RHOA: variants seen among roughly 807,000 people sequenced by gnomAD.
RHOA encodes the protein transforming protein RhoA.
RHOA carries 3 observed loss-of-function variants against 17.5 expected under a neutral mutation model. The observed-to-expected ratio is 0.17, with a 90% CI of 0.08 to 0.44. The LOEUF (loss-of-function observed/expected upper bound fraction) is 0.44, where lower values mean the gene tolerates loss of function less well. RHOA is among the 20% of genes least tolerant of loss of function. The probability of loss-of-function intolerance (pLI) is 0.99; values close to 1 mark genes in which losing one functional copy is unlikely to be tolerated. For missense variants in RHOA, 56 were observed against 242.3 expected (o/e 0.23, Z 5.10); for synonymous variants, 98 against 88.4 (o/e 1.11, Z -0.61).
intron 4 of RHOA, among the ~76,000 whole-genome samples, chr3:49,362,131 G>A (rs915561801): frequency 2.0e-5 from 3 of 150,448 alleles, no homozygotes; most frequent in Non-Finnish European, 4.4e-5. Context: ...AGGTTGCAGT[G>A]AGCTGAGATT....
chr3:49,363,344 C>A (rs1356286829), intron 3 of RHOA, among the ~76,000 whole-genome samples: 1 of 151,922 alleles, frequency 6.6e-6, no homozygotes, highest in Non-Finnish European at 1.5e-5. Context: ...GGTGTGAACC[C>A]GGGAGGCAGA....
rs1006517702 is a variant in RHOA, at chr3:49,360,022, G to C, written c.*187C>G. ...GTTAGAGCAGTGTCAAAAGGACCCT[G>C]GTGGGCCAGACGGGTTGGACATCGT... is the stretch of plus-strand genomic sequence containing the variant. On this transcript the variant is annotated 3_prime_UTR_variant, in exon 5 of 5. Transcript: ENST00000418115. 53 of 613,284 alleles carry C rather than the reference G, an allele frequency of 8.6e-5. No individual in the cohort carries two copies. In the East Asian group the frequency reaches 1.3e-3, roughly 15 times the overall value. 38.0% of individuals were successfully genotyped at this position (613,284 alleles called of 1,614,324 possible). A position where few individuals can be genotyped will look rare whatever the true frequency, so the allele number is the denominator to read the frequency against.
chr3:49,405,687 CT>C (rs938758548), intron 1 of RHOA, among the ~76,000 whole-genome samples: 1 of 151,918 alleles, frequency 6.6e-6, no homozygotes, highest in Non-Finnish European at 1.5e-5. Context: ...TTCTTTCCTT[CT>C]TTTTTTTGTG....
intron 1 of RHOA, among the ~76,000 whole-genome samples, chr3:49,387,564 A>C (rs2048420770): frequency 6.6e-6 from 1 of 151,324 alleles, no homozygotes; most frequent in Non-Finnish European, 1.5e-5. Flanking sequence ...TAACACGGTG[A>C]AACCCCGTCT....
chr3:49,379,026 T>A (rs2048276249), intron 1 of RHOA, among the ~76,000 whole-genome samples: 1 of 152,184 alleles, frequency 6.6e-6, no homozygotes, highest in South Asian at 2.1e-4. Context: ...ATTCTATTCC[T>A]AGGTATATAT....
chr3:49,409,098 T>C (rs1254528519), intron 1 of RHOA, among the ~76,000 whole-genome samples: 2 of 150,346 alleles, frequency 1.3e-5, no homozygotes, highest in Admixed American at 6.6e-5. Context: ...AGGATCCTTT[T>C]AAAACTACAA....
At chr3:49,410,563 A>C (rs2048915470) in intron 1 of RHOA, among the ~76,000 whole-genome samples, 1 of 152,240 alleles carries the variant, frequency 6.6e-6, no homozygotes, top group African/African-American at 2.4e-5. Flanking sequence ...TCAATAAGTC[A>C]TTCTTTACAA....
intron 3 of RHOA, among the ~76,000 whole-genome samples, chr3:49,367,962 T>C (rs2048086427): frequency 6.6e-6 from 1 of 152,080 alleles, no homozygotes; most frequent in Non-Finnish European, 1.5e-5. Flanking sequence ...CAGTCTGGAA[T>C]GCAGTGCCAT....
At chr3:49,384,531 CAG>C (rs1231946307) in intron 1 of RHOA, among the ~76,000 whole-genome samples, 3 of 150,558 alleles carry the variant, frequency 2.0e-5, no homozygotes, top group South Asian at 2.1e-4. Flanking sequence ...TTTTTTGAGA[CAG>C]GGTCTCACTG....
chr3:49,377,068 T>TC (rs1262634060), intron 1 of RHOA, among the ~76,000 whole-genome samples: 9 of 152,024 alleles, frequency 5.9e-5, no homozygotes. Flanking sequence ...GCAGAGGTTG[T>TC]GGTGAGCCGA....
At chr3:49,393,458 C>T (rs2048545280) in intron 1 of RHOA, among the ~76,000 whole-genome samples, 1 of 151,836 alleles carries the variant, frequency 6.6e-6, no homozygotes, top group African/African-American at 2.4e-5. Flanking sequence ...AGGCACACAC[C>T]ACCACGTTTG....
intron 1 of RHOA, among the ~76,000 whole-genome samples, chr3:49,383,688 C>T (rs1422142679): frequency 6.6e-6 from 1 of 152,108 alleles, no homozygotes; most frequent in African/African-American, 2.4e-5. Flanking sequence ...CCTAGAATGT[C>T]CAGACTCTGT....
At chr3:49,366,069 GA>G (rs2048050158) in intron 3 of RHOA, among the ~76,000 whole-genome samples, 1 of 152,068 alleles carries the variant, frequency 6.6e-6, no homozygotes, top group East Asian at 1.9e-4. Context: ...AGAAAAAAGT[GA>G]GACTGAAGAG....
At chr3:49,389,240 G>A (rs1339502927) in intron 1 of RHOA, among the ~76,000 whole-genome samples, 4 of 151,986 alleles carry the variant, frequency 2.6e-5, no homozygotes, top group African/African-American at 9.7e-5. Context: ...CCAGCTACTC[G>A]GGGGGCTGAG....
intron 1 of RHOA, among the ~76,000 whole-genome samples, chr3:49,400,209 C>T (rs1280149674): frequency 5.2e-5 from 3 of 57,784 alleles, no homozygotes; most frequent in Non-Finnish European, 1.0e-4. Context: ...GAGACTCCAT[C>T]TCAAAAAAAA....
chr3:49,376,543 T>C (rs945580131), intron 1 of RHOA, among the ~76,000 whole-genome samples: 4 of 146,306 alleles, frequency 2.7e-5, no homozygotes, highest in Non-Finnish European at 5.9e-5. Flanking sequence ...CTTGGGAGGC[T>C]GAGGCAGGAG....
chr3:49,402,207 G>T (rs2048733986), intron 1 of RHOA, among the ~76,000 whole-genome samples: 1 of 152,050 alleles, frequency 6.6e-6, no homozygotes, highest in Non-Finnish European at 1.5e-5. Context: ...TGGATGCACA[G>T]AATCAGGATT....
At chr3:49,409,308 T>C (rs1421140872) in intron 1 of RHOA, among the ~76,000 whole-genome samples, 1 of 151,912 alleles carries the variant, frequency 6.6e-6, no homozygotes, top group Non-Finnish European at 1.5e-5. Flanking sequence ...GGCAGGAGAA[T>C]CACTTGAACC....
chr3:49,368,720 T>TC (rs969826427), intron 2 of RHOA, among the ~76,000 whole-genome samples, 172 bp from the exon 3 acceptor site: 3 of 147,644 alleles, frequency 2.0e-5, no homozygotes, highest in Non-Finnish European at 4.5e-5. Context: ...TTTTTTTTTT[T>TC]TTTTTGAGAT....
Sources: gnomAD v4.1 joint callset for allele counts (sites outside exome capture counted in the v4.1 genomes callset) on GRCh38, gnomAD v4.1.1 for gene constraint, MANE v1.5 for transcripts, NCBI Gene and HGNC (gene_info 2026-07-23, HGNC 2026-07-21) for gene names.